The following PHF24 variants were observed in gnomAD, a reference collection of about 807,000 sequenced individuals.
The protein encoded by PHF24 is PHD finger protein 24.
A neutral mutation model predicts 42.6 loss-of-function variants in PHF24; 25 were observed. That is an observed-to-expected ratio of 0.59 (90% CI 0.43 to 0.82). The LOEUF (loss-of-function observed/expected upper bound fraction) is 0.82. Ranked by LOEUF, PHF24 falls within the 40% of genes least tolerant of loss-of-function variation. The pLI is 0.00. For missense variants in PHF24, 470 were observed against 538.1 expected, an observed-to-expected ratio of 0.87 and a Z score of 1.25; for synonymous variants, 185 against 204.8, an observed-to-expected ratio of 0.90 and a Z score of 0.83.
At chr9:34,689,882 G>C in the PHF24 span, 1 of 1,614,174 alleles carries the variant, frequency 6.2e-7, no homozygotes, top group East Asian at 2.2e-5. The surrounding 1 kb of genome is among the most constrained non-coding windows in gnomAD (Gnocchi z 4.1). Context: ...TGGAATCTTA[G>C]ACAGGAGCTC....
At chr9:34,833,174 A>T in the PHF24 span, 1 of 1,543,984 alleles carries the variant, frequency 6.5e-7, no homozygotes, top group Non-Finnish European at 8.7e-7. Flanking sequence ...TCCTGCTAGC[A>T]TGGGGACATG....
the PHF24 span, among the ~76,000 whole-genome samples, chr9:34,827,270 C>G: frequency 2.0e-5 from 3 of 152,172 alleles, no homozygotes; most frequent in Non-Finnish European, 4.4e-5. Context: ...CTGCCTGCCC[C>G]ACTCCCACCA....
At chr9:34,910,027 G>A in the PHF24 span, among the ~76,000 whole-genome samples, 1 of 152,166 alleles carries the variant, frequency 6.6e-6, no homozygotes, top group African/African-American at 2.4e-5. Flanking sequence ...CTGTACTTCA[G>A]GAGTTAATAA....
At chr9:34,770,115 C>T in the PHF24 span, among the ~76,000 whole-genome samples, 9 of 151,960 alleles carry the variant, frequency 5.9e-5, no homozygotes, top group African/African-American at 2.2e-4. Context: ...ACACTATAAG[C>T]AAAGCCAAAA....
the PHF24 span, among the ~76,000 whole-genome samples, chr9:34,793,314 C>T: frequency 6.6e-6 from 1 of 152,182 alleles, no homozygotes; most frequent in Non-Finnish European, 1.5e-5. Flanking sequence ...CCCATGGATA[C>T]AATTTCTTTC....
the PHF24 span, among the ~76,000 whole-genome samples, chr9:34,880,985 A>G: frequency 1.3e-5 from 2 of 152,342 alleles, no homozygotes; most frequent in Non-Finnish European, 2.9e-5. Flanking sequence ...CAAATGTAAA[A>G]AAACAGAAAT....
At chr9:34,935,478 C>A in the PHF24 span, among the ~76,000 whole-genome samples, 45 of 151,890 alleles carry the variant, frequency 3.0e-4, no homozygotes, top group African/African-American at 1.0e-3. Context: ...CCTGTAGTCC[C>A]AGCTATTTGG....
At chr9:34,770,340 AT>A in the PHF24 span, among the ~76,000 whole-genome samples, 1 of 152,160 alleles carries the variant, frequency 6.6e-6, no homozygotes, top group African/African-American at 2.4e-5. Context: ...CTCACAGCAG[AT>A]TGACAAAATT....
At chr9:34,931,425 G>T in the PHF24 span, among the ~76,000 whole-genome samples, 1 of 150,934 alleles carries the variant, frequency 6.6e-6, no homozygotes, top group Non-Finnish European at 1.5e-5. Context: ...GGATGCAGGG[G>T]GAAGGGTGGA....
chr9:34,935,162 C>T, the PHF24 span, among the ~76,000 whole-genome samples: 1 of 152,210 alleles, frequency 6.6e-6, no homozygotes, highest in Non-Finnish European at 1.5e-5. Flanking sequence ...TTAATGGTAC[C>T]TGGAGGACAT....
chr9:34,798,938 A>G, the PHF24 span, among the ~76,000 whole-genome samples: 6 of 152,140 alleles, frequency 3.9e-5, no homozygotes, highest in Admixed American at 3.3e-4. Context: ...GTTTAGATTT[A>G]TATTTCACTA....
At chr9:34,922,728 A>G in the PHF24 span, 141 of 1,578,106 alleles carry the variant, frequency 8.9e-5, no homozygotes, top group Non-Finnish European at 1.2e-4. Context: ...CTTTTGTTCA[A>G]TACTTGAGAC....
the PHF24 span, among the ~76,000 whole-genome samples, chr9:34,770,071 T>A: frequency 3.9e-5 from 6 of 152,126 alleles, no homozygotes; most frequent in African/African-American, 1.4e-4. Flanking sequence ...TTCTACTACA[T>A]AGAATAAATA....
the PHF24 span, among the ~76,000 whole-genome samples, chr9:34,743,005 G>C: frequency 6.6e-6 from 1 of 152,176 alleles, no homozygotes; most frequent in East Asian, 1.9e-4. Context: ...ACAGATGCCT[G>C]CCAGTCTAAA....
chr9:34,923,935 C>T, the PHF24 span, among the ~76,000 whole-genome samples: 551 of 151,798 alleles, frequency 3.6e-3, 1 homozygote, highest in South Asian at 0.027. Flanking sequence ...TTGATGTAGG[C>T]ACTTATTGCT....
the PHF24 span, among the ~76,000 whole-genome samples, chr9:34,947,893 G>T: frequency 2.0e-5 from 3 of 152,124 alleles, no homozygotes; most frequent in East Asian, 5.8e-4. Flanking sequence ...CAGATCACGA[G>T]GTCAGGAGAT....
chr9:34,799,642 C>T, the PHF24 span, among the ~76,000 whole-genome samples: 1 of 151,994 alleles, frequency 6.6e-6, no homozygotes, highest in Non-Finnish European at 1.5e-5. Flanking sequence ...TATCTTTTTC[C>T]CAGGTGATTT....
At chr9:34,938,718 A>G in the PHF24 span, among the ~76,000 whole-genome samples, 1 of 151,010 alleles carries the variant, frequency 6.6e-6, no homozygotes, top group African/African-American at 2.4e-5. Context: ...TCACGAGGAC[A>G]GGAGATCAAG....
the PHF24 span, among the ~76,000 whole-genome samples, chr9:34,860,825 T>C: frequency 6.6e-6 from 1 of 152,054 alleles, no homozygotes; most frequent in Non-Finnish European, 1.5e-5. Flanking sequence ...ACATTAGCCC[T>C]CCTGTTGTAA....
Sources: allele counts gnomAD v4.1 joint callset (sites outside exome capture counted in the v4.1 genomes callset), GRCh38; gene constraint gnomAD v4.1.1; non-coding constraint Gnocchi (gnomAD v3.1); transcripts MANE v1.5; gene names NCBI Gene and HGNC (gene_info 2026-07-23, HGNC 2026-07-21).